Variants in ACSBG2 observed in about 807,000 individuals in gnomAD.
The protein encoded by ACSBG2 is acyl-CoA synthetase bubblegum family member 2, also known as long-chain-fatty-acid--CoA ligase ACSBG2.
Under a neutral mutation model 74.7 loss-of-function variants are expected in ACSBG2, and 62 were observed. That is an observed-to-expected ratio of 0.83 (90% CI 0.68 to 1.03). The LOEUF is 1.03. ACSBG2 is among the 50% of genes least tolerant of loss of function. The pLI is 0.00. For synonymous variants in ACSBG2, 309 were observed against 294.1 expected (o/e 1.05, Z -0.52); for missense variants, 730 against 817.6 (o/e 0.89, Z 1.31).
intron 3 of ACSBG2, among the ~76,000 whole-genome samples, chr19:6,148,074 T>A (rs2089108996): frequency 6.6e-6 from 1 of 152,228 alleles, no homozygotes; most frequent in South Asian, 2.1e-4. Flanking sequence ...ACATTTATCA[T>A]CTCACAGTTT....
At chr19:6,181,988 GT>G (rs1436314310) in intron 8 of ACSBG2, among the ~76,000 whole-genome samples, 2 of 152,004 alleles carry the variant, frequency 1.3e-5, no homozygotes, top group Non-Finnish European at 1.5e-5. Flanking sequence ...ACGTTTCCTG[GT>G]TTGCCTGGGA....
Position 6,143,223 on chromosome 19 carries a change from T to C in ACSBG2, c.67+1613T>C, listed in dbSNP as rs541755463. 4.0e-5 allele frequency among the ~76,000 whole-genome samples: 6 copies of C among 151,326 alleles called. No homozygotes were observed. In the East Asian group the frequency reaches 1.2e-3, roughly 29 times the overall value. The stretch of plus-strand genomic sequence containing the variant: ...CCGTGCCTGGCTAATTTTTTTTTTT[T>C]AACAAAGCGCCCCAAAGTGGGTGTC... On this transcript the variant is annotated intron_variant, in intron 2 of 14. Transcript: ENST00000588485.
intron 1 of ACSBG2, among the ~76,000 whole-genome samples, chr19:6,136,149 A>AGGCTGGAGTACTGT (rs201733262): frequency 6.9e-6 from 1 of 145,266 alleles, no homozygotes. Context: ...TCTGTTGCCC[A>AGGCTGGAGTACTGT]GGCGCAATCT....
At chr19:6,139,174 A>G (rs2088721873) in intron 1 of ACSBG2, among the ~76,000 whole-genome samples, 1 of 149,770 alleles carries the variant, frequency 6.7e-6, no homozygotes, top group Admixed American at 6.7e-5. Flanking sequence ...TACAACCTTC[A>G]CCTCCCAGGT....
intron 2 of ACSBG2, among the ~76,000 whole-genome samples, chr19:6,143,237 A>G (rs909191430): frequency 1.3e-5 from 2 of 151,854 alleles, no homozygotes; most frequent in African/African-American, 4.8e-5. Flanking sequence ...AAAGCGCCCC[A>G]AAGTGGGTGT....
chr19:6,163,793 A>T (rs2089709825), intron 6 of ACSBG2, among the ~76,000 whole-genome samples: 2 of 147,734 alleles, frequency 1.4e-5, no homozygotes, highest in South Asian at 4.3e-4. Flanking sequence ...CAAAAAAAAA[A>T]AAAAAAAACA....
intron 14 of ACSBG2, among the ~76,000 whole-genome samples, chr19:6,192,378 T>C (rs1288966878): frequency 6.6e-6 from 1 of 152,182 alleles, no homozygotes; most frequent in Non-Finnish European, 1.5e-5. Flanking sequence ...CTGCTTCAGC[T>C]TCACAAAGTG....
intron 8 of ACSBG2, 74 bp from the exon 9 acceptor site, chr19:6,182,677 G>A: frequency 3.5e-6 from 5 of 1,438,458 alleles, no homozygotes; most frequent in Non-Finnish European, 4.8e-6. Flanking sequence ...GCAAAGTTGG[G>A]TGGATCAGGA....
At position 6,165,843 on chromosome 19, in the gene ACSBG2, C is replaced by T. The variant is rs773444863; in HGVS notation, c.589-23C>T. On this transcript the variant is annotated intron_variant, in intron 6 of 14. Coordinates refer to ENST00000588485, the MANE Select transcript of ACSBG2 (RefSeq NM_030924.5). ...GGACTCCCGACTGCCTTCTCATCCT[C>T]CGCTTGTCTTTTCTGTCCACAGTGG... The T allele has an allele frequency of 3.1e-6, 5 of 1,613,226 alleles. 1 individual carries two copies. Among genetic ancestry groups the T allele is most frequent in the Non-Finnish European group, 3.4e-6 (4 of 1,179,552 alleles).
chr19:6,181,565 A>C (rs1472582795), intron 8 of ACSBG2, among the ~76,000 whole-genome samples: 1 of 152,070 alleles, frequency 6.6e-6, no homozygotes, highest in Non-Finnish European at 1.5e-5. Context: ...AAGTTGGATG[A>C]AGTTTGATTT....
chr19:6,158,279 G>A (rs569057178), intron 5 of ACSBG2, among the ~76,000 whole-genome samples: 38 of 151,692 alleles, frequency 2.5e-4, no homozygotes, highest in African/African-American at 8.2e-4. Context: ...GGATGGTCTC[G>A]ATCTCCTGAC....
chr19:6,176,936 G>A (rs1305241898), intron 7 of ACSBG2, among the ~76,000 whole-genome samples: 5 of 151,898 alleles, frequency 3.3e-5, no homozygotes, highest in South Asian at 4.2e-4. Flanking sequence ...GCGGGAGGTC[G>A]CTGGAGGCCA....
At chr19:6,161,592 C>A in intron 6 of ACSBG2, 2 of 281,264 alleles carry the variant, frequency 7.1e-6, no homozygotes, top group South Asian at 5.0e-5. Context: ...GGGAGGTAAG[C>A]AGAGATGGAA....
At position 6,187,692 on chromosome 19, in the gene ACSBG2, G is replaced by A. The variant is rs774001686; in HGVS notation, c.1774G>A (p.Val592Met). The change falls in exon 13 of 15, where the codon GTG becomes ATG. Residue 592 changes from valine to methionine, a missense_variant. By Grantham distance (21) the Val-to-Met change is conservative. Coordinates refer to ENST00000588485, the MANE Select transcript of ACSBG2 (RefSeq NM_030924.5). Reference protein sequence around the residue: ...CRGLGSQASTVTEIVKQQDPL... With the variant: ...CRGLGSQASTMTEIVKQQDPL... ...GGGTCTGGGCAGCCAGGCATCCACC[G>A]TGACTGAGATTGTGAAGCAGCAAGA... The A allele has an allele frequency of 2.7e-5, 43 of 1,614,048 alleles. No homozygotes were observed. Among genetic ancestry groups the A allele is most frequent in the African/African-American group, 5.3e-5 (4 of 74,914 alleles).
chr19:6,189,840 C>G (rs1001036783), intron 13 of ACSBG2: 2 of 152,152 alleles, frequency 1.3e-5, no homozygotes, highest in Non-Finnish European at 2.9e-5. Flanking sequence ...TCCCGAGTAG[C>G]TGGGACTACA....
At chr19:6,175,359 G>A (rs1296305090) in intron 7 of ACSBG2, 1 of 152,238 alleles carries the variant, frequency 6.6e-6, no homozygotes, top group Non-Finnish European at 1.5e-5. Context: ...CAGCAAACAA[G>A]ACAGACTCAA....
chr19:6,147,380 GC>G, intron 2 of ACSBG2, 65 bp from the exon 3 acceptor site: 6 of 1,381,544 alleles, frequency 4.3e-6, no homozygotes, highest in Non-Finnish European at 5.1e-6. Flanking sequence ...GACACCAACC[GC>G]CCCCCGTCCA....
chr19:6,135,854 C>T lies in ACSBG2; in HGVS notation c.-87C>T, dbSNP rs570393196. 11 of 152,536 alleles carry T rather than the reference C, an allele frequency of 7.2e-5. No individual in the cohort carries two copies. The highest frequency in any genetic ancestry group is 2.2e-4 in the African/African-American group (9 of 41,574). 9.4% of individuals were successfully genotyped at this position (152,536 alleles called of 1,614,324 possible). On this transcript the variant is annotated 5_prime_UTR_variant, in exon 1 of 15. Transcript: ENST00000588485. ...AGAAAACACCTGAGTGACCAGATGT[C>T]CCAGCTCCAGGTGCCTTGCCAGATG...
intron 5 of ACSBG2, among the ~76,000 whole-genome samples, chr19:6,158,265 G>C (rs1468873866): frequency 1.3e-5 from 2 of 151,592 alleles, no homozygotes; most frequent in African/African-American, 4.9e-5. Flanking sequence ...CACCATGTTA[G>C]CCAGGATGGT....
Sources: allele counts gnomAD v4.1 joint callset (sites outside exome capture counted in the v4.1 genomes callset), GRCh38; gene constraint gnomAD v4.1.1; transcripts MANE v1.5; gene names NCBI Gene and HGNC (gene_info 2026-07-23, HGNC 2026-07-21).